Variants in ZNF254 observed in about 807,000 individuals in gnomAD.
The protein encoded by ZNF254 is CTD-2017D11.1.
In ZNF254, 10 loss-of-function variants were observed where a neutral mutation model predicts 12.4. The observed-to-expected ratio is 0.80, with a 90% CI of 0.50 to 1.36. The LOEUF is 1.36. Ranked by LOEUF, ZNF254 falls within the 40% of genes most tolerant of loss-of-function variation. The probability of loss-of-function intolerance (pLI) is 0.00; values close to 1 mark genes in which losing one functional copy is unlikely to be tolerated. For missense variants in ZNF254, 996 were observed against 763.9 expected (o/e 1.30, Z -3.58); for synonymous variants, 305 against 253.4 (o/e 1.20, Z -1.93).
intron 1 of ZNF254, among the ~76,000 whole-genome samples, chr19:24,088,117 A>G (rs1972144392): frequency 6.6e-6 from 1 of 151,968 alleles, no homozygotes; most frequent in Non-Finnish European, 1.5e-5. Flanking sequence ...CATGTTGGCC[A>G]GGCTGGTCTC....
At chr19:24,082,099 G>A (rs1971863150) in intron 2 of ZNF254, among the ~76,000 whole-genome samples, 2 of 151,378 alleles carry the variant, frequency 1.3e-5, no homozygotes, top group South Asian at 2.1e-4. Flanking sequence ...CTCCAGCCTG[G>A]GCAACAAGAG....
chr19:24,116,058 G>C (rs573646267), intron 3 of ZNF254, among the ~76,000 whole-genome samples: 1 of 152,308 alleles, frequency 6.6e-6, no homozygotes, highest in Admixed American at 6.5e-5. Context: ...TTTCTGCCGA[G>C]AGGTCCACTC....
intron 1 of ZNF254, among the ~76,000 whole-genome samples, chr19:24,042,691 C>T (rs1386960121): frequency 6.6e-6 from 1 of 152,272 alleles, no homozygotes; most frequent in East Asian, 1.9e-4. Context: ...CCACCAATTC[C>T]GGACAAACCA....
At chr19:24,125,221 TC>T (rs1322841892) in intron 3 of ZNF254, among the ~76,000 whole-genome samples, 1 of 150,642 alleles carries the variant, frequency 6.6e-6, no homozygotes, top group African/African-American at 2.4e-5. Flanking sequence ...TATTTTTACA[TC>T]TTTTTTTTTT....
At chr19:24,098,060 A>G (rs1345174213) in intron 1 of ZNF254, among the ~76,000 whole-genome samples, 1 of 152,190 alleles carries the variant, frequency 6.6e-6, no homozygotes, top group Non-Finnish European at 1.5e-5. Context: ...ATTGTGATTC[A>G]TACTTTTGAA....
intron 2 of ZNF254, among the ~76,000 whole-genome samples, chr19:24,076,066 C>A (rs535360383): frequency 8.5e-5 from 13 of 152,302 alleles, no homozygotes; most frequent in African/African-American, 2.9e-4. Context: ...ATTGTTCAAA[C>A]ACACATGTTT....
intron 1 of ZNF254, among the ~76,000 whole-genome samples, chr19:24,090,414 G>GT (rs767483062): frequency 6.6e-6 from 1 of 152,082 alleles, no homozygotes; most frequent in Non-Finnish European, 1.5e-5. Flanking sequence ...TCTTGAAAAG[G>GT]TTTTTTCACT....
At chr19:24,098,758 T>A (rs1440673620) in intron 1 of ZNF254, 1 of 152,180 alleles carries the variant, frequency 6.6e-6, no homozygotes, top group African/African-American at 2.4e-5. Flanking sequence ...TATATCTGTT[T>A]TAGAAGCCCT....
intron 3 of ZNF254, among the ~76,000 whole-genome samples, chr19:24,120,589 A>G (rs1315249363): frequency 6.6e-6 from 1 of 152,002 alleles, no homozygotes; most frequent in Non-Finnish European, 1.5e-5. Flanking sequence ...ATTTTTATAT[A>G]TGGTTTTATG....
At chr19:24,048,328 G>A (rs1205668726) in intron 2 of ZNF254, among the ~76,000 whole-genome samples, 3 of 152,218 alleles carry the variant, frequency 2.0e-5, no homozygotes, top group African/African-American at 2.4e-5. Flanking sequence ...GCTTCAGGCC[G>A]CAAGCGCCAC....
At chr19:24,034,681 T>C (rs1325985154) in intron 1 of ZNF254, among the ~76,000 whole-genome samples, 1 of 151,952 alleles carries the variant, frequency 6.6e-6, no homozygotes, top group Non-Finnish European at 1.5e-5. Context: ...TTCACCATTT[T>C]GGCCAGGCTG....
At chr19:24,081,095 A>G (rs1199578600) in intron 2 of ZNF254, among the ~76,000 whole-genome samples, 2 of 151,342 alleles carry the variant, frequency 1.3e-5, no homozygotes, top group South Asian at 2.1e-4. Flanking sequence ...AAAAAAAAGA[A>G]TATTAACTTT....
chr19:24,114,952 A>G (rs1973939134), intron 3 of ZNF254, among the ~76,000 whole-genome samples: 1 of 152,298 alleles, frequency 6.6e-6, no homozygotes, highest in African/African-American at 2.4e-5. Context: ...CATCAGAGAA[A>G]TGCAAATCAA....
At chr19:24,091,972 C>T (rs575988844) in intron 1 of ZNF254, 22 of 287,042 alleles carry the variant, frequency 7.7e-5, no homozygotes, top group East Asian at 3.5e-4. Context: ...CTCTGTCTCC[C>T]GGGTTCACGC....
At chr19:24,086,393 C>G (rs916552090), upstream of ZNF254, among the ~76,000 whole-genome samples, 2 of 151,940 alleles carry the variant, frequency 1.3e-5, no homozygotes, top group Non-Finnish European at 2.9e-5. Flanking sequence ...GCAACCTCAG[C>G]CCCCCGGGTT....
rs537334759 is a variant in ZNF254 at position 24,063,489 on chromosome 19, G to C, written c.-94+17210G>C. 2.0e-5 allele frequency among the ~76,000 whole-genome samples: 3 copies of C among 152,298 alleles called. No homozygotes were observed. In the South Asian group the frequency reaches 6.2e-4, roughly 32 times the overall value. On this transcript the variant is annotated intron_variant, in intron 2 of 4. Coordinates refer to the ZNF254 transcript ENST00000613065. ...GCCCACAGATGTATTGTGACATATT[G>C]CTGGGCCTATGTTATGTTTATCTTT...
chr19:24,113,570 C>T (rs1310037700), intron 3 of ZNF254, among the ~76,000 whole-genome samples: 1 of 152,098 alleles, frequency 6.6e-6, no homozygotes, highest in Admixed American at 6.5e-5. Flanking sequence ...AAACCCACAG[C>T]CAATATCATA....
chr19:24,115,237 G>A (rs1366408007), intron 3 of ZNF254, among the ~76,000 whole-genome samples: 1 of 151,924 alleles, frequency 6.6e-6, no homozygotes. Context: ...TATGTTTATT[G>A]TGGCAGTTTT....
chr19:24,070,664 T>C (rs1182640925), intron 2 of ZNF254, among the ~76,000 whole-genome samples: 2 of 152,342 alleles, frequency 1.3e-5, no homozygotes, highest in Non-Finnish European at 2.9e-5. Flanking sequence ...ATTATTCATG[T>C]TATTCCTGAG....
Sources: gnomAD v4.1 joint callset for allele counts (sites outside exome capture counted in the v4.1 genomes callset) on GRCh38, gnomAD v4.1.1 for gene constraint, MANE v1.5 for transcripts, NCBI Gene and HGNC (gene_info 2026-07-23, HGNC 2026-07-21) for gene names.